Variants in KALRN observed in about 807,000 individuals in gnomAD.
KALRN encodes kalirin RhoGEF kinase, also known as kalirin.
KALRN carries 70 observed loss-of-function variants against 353.7 expected under a neutral mutation model. The ratio of observed to expected loss-of-function variants is 0.20; its 90% CI spans 0.16 to 0.24. The LOEUF (loss-of-function observed/expected upper bound fraction) is 0.24, where lower values mean the gene tolerates loss of function less well. Ranked by LOEUF, KALRN falls within the 10% of genes least tolerant of loss-of-function variation. The pLI, the probability that KALRN is intolerant of heterozygous loss-of-function variation, is 1.00. For missense variants in KALRN, 2,791 were observed against 3,756.7 expected (o/e 0.74, Z 6.72); for synonymous variants, 1,391 against 1,434.8 (o/e 0.97, Z 0.69).
chr3:124,654,267 G>C (rs570409505), intron 38 of KALRN, among the ~76,000 whole-genome samples: 5 of 152,234 alleles, frequency 3.3e-5, no homozygotes, highest in African/African-American at 1.2e-4. Flanking sequence ...AGAGGGAGCT[G>C]TTGGAAGTGC....
chr3:124,614,277 T>C (rs545104744), intron 34 of KALRN, among the ~76,000 whole-genome samples: 1 of 151,130 alleles, frequency 6.6e-6, no homozygotes, highest in South Asian at 2.1e-4. Context: ...TATTTATTTA[T>C]TTATTTATTG....
intron 1 of KALRN, among the ~76,000 whole-genome samples, chr3:124,195,146 T>C (rs2075303075): frequency 6.6e-6 from 1 of 152,134 alleles, no homozygotes; most frequent in Non-Finnish European, 1.5e-5. Context: ...AGAAACCACA[T>C]ACACTCTTTC....
At chr3:124,236,611 G>C (rs67800827) in intron 3 of KALRN, among the ~76,000 whole-genome samples, 14,121 of 152,218 alleles carry the variant, frequency 0.093, 1,836 homozygotes, top group East Asian at 0.64. Context: ...GCAGCTAATT[G>C]ATGCTCATCT....
chr3:124,420,786 G>A (rs1268367292), intron 14 of KALRN, among the ~76,000 whole-genome samples: 1 of 152,170 alleles, frequency 6.6e-6, no homozygotes, highest in Middle Eastern at 3.2e-3. Context: ...TGCCTCCAGA[G>A]ATGAATTTCC....
chr3:124,288,089 G>T (rs2149112200), intron 5 of KALRN, among the ~76,000 whole-genome samples: 1 of 152,016 alleles, frequency 6.6e-6, no homozygotes, highest in Non-Finnish European at 1.5e-5. Flanking sequence ...TGGCCAGGCT[G>T]GTCTCGAGCT....
In KALRN at chr3:124,685,970, C is replaced by T. The variant is rs77823543; in HGVS notation, c.7377+6453C>T. On this transcript the variant is annotated intron_variant, in intron 51 of 59. Coordinates refer to ENST00000682506, the MANE Select transcript of KALRN (RefSeq NM_001388419.1). ...CCCCATGCTGTCAAAGTTCACTCAG[C>T]GTGAGTTCCTAGTCAGTTCAATTTC... is the stretch of plus-strand genomic sequence containing the variant. Among the ~76,000 whole-genome samples, 1,354 of 152,118 alleles carry T rather than the reference C, an allele frequency of 8.9e-3. 21 individuals are homozygous for T. Among genetic ancestry groups the T allele is most frequent in the African/African-American group, 0.031 (1,280 of 41,456 alleles).
At chr3:124,677,028 C>T (rs1267676084) in intron 49 of KALRN, among the ~76,000 whole-genome samples, 1 of 152,206 alleles carries the variant, frequency 6.6e-6, no homozygotes, top group East Asian at 1.9e-4. Flanking sequence ...GGAACACCTT[C>T]CTCAAAGTAC....
intron 9 of KALRN, among the ~76,000 whole-genome samples, chr3:124,336,481 A>G (rs1205802180): frequency 6.6e-6 from 1 of 151,962 alleles, no homozygotes. Context: ...ATTGTGCAAT[A>G]TCCATGGTGT....
intron 1 of KALRN, among the ~76,000 whole-genome samples, chr3:124,154,729 A>T (rs1157360503): frequency 6.6e-6 from 1 of 152,182 alleles, no homozygotes; most frequent in East Asian, 1.9e-4. Context: ...CAAGCTACCA[A>T]TGACTTTCTT....
chr3:124,643,409 C>G (rs1173757767), intron 37 of KALRN, among the ~76,000 whole-genome samples: 2 of 152,150 alleles, frequency 1.3e-5, no homozygotes, highest in East Asian at 1.9e-4. Flanking sequence ...TGTCCCTACA[C>G]CCCCCAACAG....
intron 33 of KALRN, among the ~76,000 whole-genome samples, chr3:124,531,764 C>T (rs1297917571): frequency 1.3e-5 from 2 of 152,234 alleles, no homozygotes; most frequent in Admixed American, 6.5e-5. Flanking sequence ...GATCCAGTCA[C>T]TTCCCACCAG....
chr3:124,107,696 T>C (rs1009482890), intron 1 of KALRN, among the ~76,000 whole-genome samples: 1 of 152,164 alleles, frequency 6.6e-6, no homozygotes, highest in African/African-American at 2.4e-5. Context: ...TGGACTGCGC[T>C]GGCAGAGGCA....
At position 124,076,749 on chromosome 3, in the gene KALRN, G is replaced by T. The variant is rs560368450; in HGVS notation, c.73+42936G>T. 6.6e-5 allele frequency among the ~76,000 whole-genome samples: 10 copies of T among 152,346 alleles called. No individual in the cohort carries two copies. In the South Asian group the frequency reaches 1.9e-3, roughly 28 times the overall value. On this transcript the variant is annotated intron_variant, in intron 1 of 59. Coordinates refer to ENST00000682506, the MANE Select transcript of KALRN (RefSeq NM_001388419.1). ...GTGGCAGCAATCAGGGACAGTAGGGGTGGTGGGGACTGTGGCAAACTGGAG... is the reference window on the plus strand; with the variant it reads ...GTGGCAGCAATCAGGGACAGTAGGGTTGGTGGGGACTGTGGCAAACTGGAG...
chr3:124,678,106 G>A, intron 49 of KALRN, 84 bp from the exon 50 acceptor site: 2 of 1,462,680 alleles, frequency 1.4e-6, no homozygotes, highest in Non-Finnish European at 1.9e-6. Context: ...CTCACCTGCT[G>A]ACTCACCCAA....
At chr3:124,067,189 C>T (rs1006165085) in intron 1 of KALRN, among the ~76,000 whole-genome samples, 1 of 152,180 alleles carries the variant, frequency 6.6e-6, no homozygotes, top group Non-Finnish European at 1.5e-5. Flanking sequence ...CACAGCCAGG[C>T]TCTCAGTAAA....
At chr3:124,175,855 A>C (rs182025678) in intron 1 of KALRN, among the ~76,000 whole-genome samples, 1 of 152,282 alleles carries the variant, frequency 6.6e-6, no homozygotes, top group East Asian at 1.9e-4. Flanking sequence ...TCTATTCTCT[A>C]GCTGTCCTCT....
At chr3:124,572,747 G>T (rs1456621036) in intron 34 of KALRN, among the ~76,000 whole-genome samples, 1 of 152,170 alleles carries the variant, frequency 6.6e-6, no homozygotes, top group Non-Finnish European at 1.5e-5. Flanking sequence ...CTTTACCTCG[G>T]TATGCAGTAG....
chr3:124,694,545 T>G, intron 53 of KALRN, 42 bp downstream of exon 53: 1 of 1,589,840 alleles, frequency 6.3e-7, no homozygotes. Flanking sequence ...AGCCCCTTGC[T>G]TGACACAGCA....
intron 41 of KALRN, among the ~76,000 whole-genome samples, chr3:124,658,217 A>T (rs1398668798): frequency 6.6e-6 from 1 of 152,122 alleles, no homozygotes. Context: ...CTTCTTTCTC[A>T]GCCCTCTCTA....
Sources: gnomAD v4.1 joint callset for allele counts (sites outside exome capture counted in the v4.1 genomes callset) on GRCh38, gnomAD v4.1.1 for gene constraint, MANE v1.5 for transcripts, NCBI Gene and HGNC (gene_info 2026-07-23, HGNC 2026-07-21) for gene names.